PAX2: variants seen among roughly 807,000 people sequenced by gnomAD.
PAX2 encodes the protein paired box protein Pax-2.
A neutral mutation model predicts 41.7 loss-of-function variants in PAX2; 9 were observed. The observed-to-expected ratio is 0.22, with a 90% CI of 0.13 to 0.38. PAX2 has a LOEUF of 0.38. Ranked by LOEUF, PAX2 falls within the 10% of genes least tolerant of loss-of-function variation. PAX2 has a pLI of 1.00. For synonymous variants in PAX2, 221 were observed against 212.7 expected (o/e 1.04, Z -0.34); for missense variants, 418 against 531.6 (o/e 0.79, Z 2.10).
intron 1 of PAX2, chr10:100,735,848 C>A: frequency 1.4e-6 from 1 of 702,426 alleles, no homozygotes; most frequent in Non-Finnish European, 1.8e-6. Flanking sequence ...CAGTACCCGG[C>A]GGGCGACGTG....
At chr10:100,740,977 G>T (rs991349671), upstream of PAX2, among the ~76,000 whole-genome samples, 1 of 152,234 alleles carries the variant, frequency 6.6e-6, no homozygotes, top group Non-Finnish European at 1.5e-5. Context: ...GCCCATGGGC[G>T]GTAGCCACCT....
Position 100,826,677 on chromosome 10 carries a change from C to G in PAX2, c.1022-332C>G, listed in dbSNP as rs967985070. On this transcript the variant is annotated intron_variant, in intron 8 of 9. Coordinates refer to ENST00000355243, the MANE Select transcript of PAX2 (RefSeq NM_000278.5). The surrounding 1 kb of genome is among the most constrained non-coding windows in gnomAD (Gnocchi z 5.5). ...GAGTGGCATCTATAAAGGCCCTGGC[C>G]CCCAGCGCGACAGGGTGGACGCGCC... is the stretch of plus-strand genomic sequence containing the variant. Among the ~76,000 whole-genome samples, 2 of 152,228 alleles carry G rather than the reference C, an allele frequency of 1.3e-5. No homozygotes were observed. The highest frequency in any genetic ancestry group is 4.8e-5 in the African/African-American group (2 of 41,464).
intron 7 of PAX2, among the ~76,000 whole-genome samples, chr10:100,814,699 A>G (rs908267073): frequency 6.6e-6 from 1 of 152,236 alleles, no homozygotes; most frequent in Non-Finnish European, 1.5e-5. Context: ...GGGTGGGGGC[A>G]GGTGGGAAGC....
In PAX2 at chr10:100,827,197, A is replaced by G. The variant is rs1263940894; in HGVS notation, c.1108+102A>G. 3 of 940,854 alleles carry G rather than the reference A, an allele frequency of 3.2e-6. No individual in the cohort carries two copies. The highest frequency in any genetic ancestry group is 5.1e-6 in the Non-Finnish European group (3 of 588,746). 58.3% of individuals were successfully genotyped at this position (940,854 alleles called of 1,614,324 possible). ...CGACCTCTGGGGACCCGGCCGGGCC[A>G]GGGGGACAGGCTTGTTAGTGCAGCA... On this transcript the variant is annotated intron_variant, in intron 9 of 9. Transcript: ENST00000355243. The surrounding 1 kb of genome is among the most constrained non-coding windows in gnomAD (Gnocchi z 8.5).
At position 100,827,470 on chromosome 10, in the gene PAX2, T is replaced by C. The variant is rs1405480818; in HGVS notation, c.1109-73T>C. 1 of 1,483,782 alleles carries C rather than the reference T, an allele frequency of 6.7e-7. No homozygotes were observed. Among genetic ancestry groups the C allele is most frequent in the Non-Finnish European group, 9.4e-7 (1 of 1,061,848 alleles). The allele number at this position is 1,483,782 out of a possible 1,614,324, so 91.9% of individuals were successfully genotyped here. ...CCCCAGCCAGGGGAGGTCTTTTCTG[T>C]GCTTTTCTTTCCTTTTTTGTTCTCC... On this transcript the variant is annotated intron_variant, in intron 9 of 9. Coordinates refer to ENST00000355243, the MANE Select transcript of PAX2 (RefSeq NM_000278.5). This position sits in a 1 kb window ranked among gnomAD's most constrained non-coding sequence, Gnocchi z 8.5.
chr10:100,821,205 G>C (rs1463014577), intron 7 of PAX2, among the ~76,000 whole-genome samples: 1 of 152,252 alleles, frequency 6.6e-6, no homozygotes, highest in East Asian at 1.9e-4. Flanking sequence ...TGACAATGGT[G>C]TTCCAGAAGA....
At chr10:100,772,495 G>A (rs1393331020) in intron 3 of PAX2, among the ~76,000 whole-genome samples, 7 of 152,190 alleles carry the variant, frequency 4.6e-5, no homozygotes, top group Admixed American at 4.6e-4. Flanking sequence ...AGTTTATAAT[G>A]CCCAGGCAGT....
At chr10:100,736,072 A>G (rs1439585210) in intron 1 of PAX2, among the ~76,000 whole-genome samples, 1 of 152,202 alleles carries the variant, frequency 6.6e-6, no homozygotes, top group Non-Finnish European at 1.5e-5. Flanking sequence ...AGTTGGGAGC[A>G]TTGGGAAGGC....
intron 3 of PAX2, among the ~76,000 whole-genome samples, chr10:100,765,977 G>A (rs1049390689): frequency 1.3e-5 from 2 of 152,036 alleles, no homozygotes; most frequent in Non-Finnish European, 2.9e-5. Context: ...ACTACAGTAG[G>A]AACCGTTACA....
intron 5 of PAX2, chr10:100,786,880 C>A: frequency 9.7e-7 from 1 of 1,036,136 alleles, no homozygotes; most frequent in Non-Finnish European, 1.4e-6. Context: ...ATCCTGCCCC[C>A]AATCTTCTGC....
In PAX2 at chr10:100,824,577, A is replaced by C. The variant is rs1848483756; in HGVS notation, c.920-71A>C. ...CTCTCCAAGAGTTTCCTCTCCGTGC[A>C]GTACCCTGGTGTGAGTAGAGGCAGG... On this transcript the variant is annotated intron_variant, in intron 7 of 9. Transcript: ENST00000355243. This position sits in a 1 kb window ranked among gnomAD's most constrained non-coding sequence, Gnocchi z 6.6. The C allele has an allele frequency of 9.6e-7, 1 of 1,044,328 alleles. No homozygotes were observed. 64.7% of individuals were successfully genotyped at this position (1,044,328 alleles called of 1,614,324 possible). A position where few individuals can be genotyped will look rare whatever the true frequency, so the allele number is the denominator to read the frequency against.
At chr10:100,799,964 T>G (rs1274583082) in intron 5 of PAX2, among the ~76,000 whole-genome samples, 1 of 151,974 alleles carries the variant, frequency 6.6e-6, no homozygotes, top group African/African-American at 2.4e-5. Context: ...TTTTTGTATT[T>G]TTAGTAGAGA....
intron 5 of PAX2, among the ~76,000 whole-genome samples, chr10:100,797,728 G>A (rs1211374629): frequency 2.0e-5 from 3 of 152,112 alleles, no homozygotes; most frequent in Admixed American, 1.3e-4. Flanking sequence ...TAATGGTGAG[G>A]GAGGAGCTAA....
Position 100,748,827 on chromosome 10 carries a change from G to C in PAX2, c.44-919G>C, listed in dbSNP as rs1306652319. ...CTGAGGGGTCAAAGGGACTCGAGTC[G>C]GGTTTGGGTCGGCTACACAGGGCGC... On this transcript the variant is annotated intron_variant, in intron 1 of 9. Transcript: ENST00000355243. The surrounding 1 kb of genome is among the most constrained non-coding windows in gnomAD (Gnocchi z 5.0). 1.3e-4 allele frequency: 130 copies of C among 985,246 alleles called. No individual in the cohort carries two copies. Among genetic ancestry groups the C allele is most frequent in the Non-Finnish European group, 1.4e-4 (114 of 829,974 alleles). The allele number at this position is 985,246 out of a possible 1,614,324, so 61.0% of individuals were successfully genotyped here.
At chr10:100,749,243 G>A (rs1366020914) in intron 1 of PAX2, 1 of 992,816 alleles carries the variant, frequency 1.0e-6, no homozygotes, top group Non-Finnish European at 1.2e-6. Flanking sequence ...TCCCCTGTCT[G>A]TGCTAGGAGC....
chr10:100,743,230 A>G (rs1845032040), upstream of PAX2, among the ~76,000 whole-genome samples: 2 of 152,282 alleles, frequency 1.3e-5, no homozygotes, highest in East Asian at 1.9e-4. Flanking sequence ...TTTACTCCTC[A>G]GAAGGTGCAT....
At position 100,827,203 on chromosome 10, in the gene PAX2, A is replaced by T. The variant is rs567464842; in HGVS notation, c.1108+108A>T. 7 of 907,452 alleles carry T rather than the reference A, an allele frequency of 7.7e-6. No homozygotes were observed. The highest frequency in any genetic ancestry group is 2.1e-4 in the Middle Eastern group (1 of 4,718). The allele number at this position is 907,452 out of a possible 1,614,324, so 56.2% of individuals were successfully genotyped here. ...CTGGGGACCCGGCCGGGCCAGGGGG[A>T]CAGGCTTGTTAGTGCAGCACTGAGG... On this transcript the variant is annotated intron_variant, in intron 9 of 9. Coordinates refer to ENST00000355243, the MANE Select transcript of PAX2 (RefSeq NM_000278.5). This position sits in a 1 kb window ranked among gnomAD's most constrained non-coding sequence, Gnocchi z 8.5.
chr10:100,789,213 C>G (rs1301751279), intron 5 of PAX2, among the ~76,000 whole-genome samples: 1 of 152,222 alleles, frequency 6.6e-6, no homozygotes, highest in African/African-American at 2.4e-5. Context: ...TCAAGCGATT[C>G]TCCTGTCTCA....
In PAX2 at chr10:100,809,150, A is replaced by T; in HGVS notation, c.833A>T (p.Asp278Val). The T allele has an allele frequency of 6.2e-7, 1 of 1,613,030 alleles. No individual in the cohort carries two copies. The highest frequency in any genetic ancestry group is 1.3e-5 in the African/African-American group (1 of 74,984). The change falls in exon 7 of 10, where the codon GAT becomes GTT. Residue 278 changes from aspartate (D) to valine (V), a missense_variant. By Grantham distance (152) the Asp-to-Val change is radical. This residue lies in a region of PAX2 where 310 missense variants were observed against 325.2 expected (regional missense o/e 0.95). Transcript: ENST00000355243. ...YSLPALTPGL[D>V]EVKSSLSAST... ...CTCCCAGCCCTGACCCCTGGGCTTG[A>T]TGAAGTCAAGTCGAGTCTATCTGCA...
Sources: allele counts gnomAD v4.1 joint callset (sites outside exome capture counted in the v4.1 genomes callset), GRCh38; gene constraint gnomAD v4.1.1; regional missense constraint gnomAD v4.1.1; non-coding constraint Gnocchi (gnomAD v3.1); transcripts MANE v1.5; gene names NCBI Gene and HGNC (gene_info 2026-07-23, HGNC 2026-07-21).